TENT5D: variants seen among roughly 807,000 people sequenced by gnomAD.
TENT5D encodes the protein cancer/testis antigen 112.
For synonymous variants in TENT5D, 103 were observed against 100.6 expected, an observed-to-expected ratio of 1.02 and a Z score of -0.15; for missense variants, 191 against 287.0, an observed-to-expected ratio of 0.67 and a Z score of 2.42.
intron 3 of TENT5D, among the ~76,000 whole-genome samples, chrX:80,382,947 C>T (rs943820891): frequency 1.8e-5 from 2 of 112,253 alleles, no homozygotes; most frequent in Non-Finnish European, 1.9e-5. Context: ...CCCTTGGCTT[C>T]CTGGGTGAGG....
intron 3 of TENT5D, among the ~76,000 whole-genome samples, chrX:80,344,762 C>T (rs1193052701): frequency 9.0e-6 from 1 of 111,123 alleles, no homozygotes; most frequent in Admixed American, 9.6e-5. Context: ...TTTCAATAAA[C>T]AATTTCTTAA....
chrX:80,395,423 A>G lies in TENT5D; in HGVS notation c.-141-43187A>G, dbSNP rs142094136. On this transcript the variant is annotated intron_variant, in intron 3 of 4. Transcript: ENST00000538312. ...GGATAATATGGTATTTCTGTTTTTA[A>G]TTCTTGGAAGAGCCTGTATACTGTT... Among the ~76,000 whole-genome samples the G allele has an allele frequency of 9.3e-3, 1,036 of 111,784 alleles. 7 individuals carry two copies. The highest frequency in any genetic ancestry group is 0.014 in the Non-Finnish European group (754 of 53,104).
chrX:80,382,895 C>T (rs1930903596), intron 3 of TENT5D, among the ~76,000 whole-genome samples: 1 of 112,250 alleles, frequency 8.9e-6, no homozygotes, highest in African/African-American at 3.2e-5. Flanking sequence ...CTGGTACAGT[C>T]TTTCACGGCT....
At chrX:80,353,531 T>C (rs1329630995) in intron 3 of TENT5D, among the ~76,000 whole-genome samples, 1 of 111,585 alleles carries the variant, frequency 9.0e-6, no homozygotes, top group Non-Finnish European at 1.9e-5. Flanking sequence ...GCATGTGGTG[T>C]TTGCTTTTAT....
At chrX:80,368,760 A>G (rs1193260432) in intron 3 of TENT5D, among the ~76,000 whole-genome samples, 4 of 111,794 alleles carry the variant, frequency 3.6e-5, no homozygotes, top group Non-Finnish European at 7.5e-5. Flanking sequence ...TTACTGAATT[A>G]GTGTTATTGT....
Position 80,433,978 on chromosome X carries a change from T to C in TENT5D, c.-141-4632T>C, listed in dbSNP as rs5912427. ...GGTGAAACCCCATCTCTACTAAAAA[T>C]AAAAAAAAATTAGCCAGGCGTGGTG... On this transcript the variant is annotated intron_variant, in intron 1 of 2. Transcript: ENST00000308293. Among the ~76,000 whole-genome samples the C allele has an allele frequency of 7.5e-5, 8 of 106,876 alleles. No homozygotes were observed. The South Asian group carries it at 1.7e-3, about 22-fold the overall frequency. The allele number at this position is 106,876 out of a possible 115,157, so 92.8% of individuals were successfully genotyped here. A position where few individuals can be genotyped will look rare whatever the true frequency, so the allele number is the denominator to read the frequency against.
At chrX:80,428,101 T>C (rs757504127) in intron 1 of TENT5D, among the ~76,000 whole-genome samples, 3 of 112,557 alleles carry the variant, frequency 2.7e-5, no homozygotes, top group Admixed American at 9.4e-5. Context: ...CAGTGATTCT[T>C]ACTATTTCTT....
intron 3 of TENT5D, among the ~76,000 whole-genome samples, chrX:80,380,345 C>G (rs1930834473): frequency 9.0e-6 from 1 of 110,962 alleles, no homozygotes; most frequent in Non-Finnish European, 1.9e-5. Flanking sequence ...GATTTCTGTT[C>G]TCTTACATTT....
chrX:80,379,973 A>C (rs2147530905), intron 3 of TENT5D, among the ~76,000 whole-genome samples: 1 of 104,697 alleles, frequency 9.6e-6, no homozygotes, highest in South Asian at 4.4e-4. Flanking sequence ...TTCTGCTCTG[A>C]TCTTAGTTAT....
chrX:80,436,594 T>C (rs1178089281), intron 1 of TENT5D, among the ~76,000 whole-genome samples: 1 of 110,356 alleles, frequency 9.1e-6, no homozygotes. Context: ...CCTGTGTCCA[T>C]GTGTTCTCAC....
chrX:80,411,471 G>A (rs1603064), intron 3 of TENT5D, among the ~76,000 whole-genome samples: 10,794 of 110,719 alleles, frequency 0.097, 521 homozygotes, highest in African/African-American at 0.18. Context: ...AAAATTTACC[G>A]TACAAGATTT....
intron 1 of TENT5D, among the ~76,000 whole-genome samples, chrX:80,437,907 T>C (rs1165846597): frequency 1.8e-5 from 2 of 111,272 alleles, no homozygotes; most frequent in Non-Finnish European, 3.8e-5. Flanking sequence ...TATACAATCA[T>C]TTATTATAGG....
At chrX:80,371,583 C>T (rs993996141) in intron 3 of TENT5D, among the ~76,000 whole-genome samples, 1 of 112,331 alleles carries the variant, frequency 8.9e-6, no homozygotes, top group African/African-American at 3.2e-5. Context: ...GATCTTCCCG[C>T]AGCTTCTCCT....
chrX:80,412,425 A>G (rs1026001106), intron 3 of TENT5D, among the ~76,000 whole-genome samples: 2 of 112,682 alleles, frequency 1.8e-5, no homozygotes, highest in Non-Finnish European at 3.7e-5. Context: ...GCCGGCCTGA[A>G]TTTCTTCTCA....
chrX:80,365,611 C>T (rs1487905452), intron 3 of TENT5D, among the ~76,000 whole-genome samples: 4 of 110,802 alleles, frequency 3.6e-5, no homozygotes, highest in South Asian at 3.8e-4. Context: ...GAGGCCGAGG[C>T]GGGTGGATCA....
chrX:80,386,176 A>G (rs1275605999), intron 3 of TENT5D, among the ~76,000 whole-genome samples: 3 of 112,471 alleles, frequency 2.7e-5, no homozygotes, highest in African/African-American at 9.7e-5. Context: ...ACCAACCCAA[A>G]TGTCCATCAA....
At chrX:80,432,066 C>G (rs1035107375) in intron 1 of TENT5D, among the ~76,000 whole-genome samples, 1 of 110,743 alleles carries the variant, frequency 9.0e-6, no homozygotes, top group South Asian at 4.0e-4. Flanking sequence ...AATTACATTC[C>G]TAAGGCTCCA....
At chrX:80,349,083 C>A (rs1448211631) in intron 3 of TENT5D, among the ~76,000 whole-genome samples, 2 of 112,097 alleles carry the variant, frequency 1.8e-5, no homozygotes, top group Non-Finnish European at 3.8e-5. Flanking sequence ...TGAGGATTTT[C>A]ACATCTATGT....
chrX:80,379,513 G>T (rs915066498), intron 3 of TENT5D, among the ~76,000 whole-genome samples: 1 of 110,928 alleles, frequency 9.0e-6, no homozygotes, highest in African/African-American at 3.3e-5. Flanking sequence ...CTATTGATTG[G>T]AATAGTTTCA....
Sources: gnomAD v4.1 joint callset for allele counts (sites outside exome capture counted in the v4.1 genomes callset) on GRCh38, gnomAD v4.1.1 for gene constraint, MANE v1.5 for transcripts, NCBI Gene and HGNC (gene_info 2026-07-23, HGNC 2026-07-21) for gene names.